Variants in JADE2 observed in about 807,000 individuals in gnomAD.
JADE2 encodes E3 ubiquitin-protein ligase Jade-2.
A neutral mutation model predicts 85.7 loss-of-function variants in JADE2; 13 were observed. That is an observed-to-expected ratio of 0.15 (90% CI 0.10 to 0.24). The LOEUF (loss-of-function observed/expected upper bound fraction) is 0.24. Among genes scored for constraint, JADE2 ranks in the 10% least tolerant of loss-of-function variants. JADE2 has a pLI of 1.00. For synonymous variants in JADE2, 440 were observed against 456.1 expected, an observed-to-expected ratio of 0.96 and a Z score of 0.45; for missense variants, 846 against 1,115.9, an observed-to-expected ratio of 0.76 and a Z score of 3.45.
chr5:134,573,613 A>G, intron 9 of JADE2, 32 bp from the exon 10 acceptor site: 1 of 1,531,350 alleles, frequency 6.5e-7, no homozygotes, highest in Non-Finnish European at 9.1e-7. Flanking sequence ...GTTGCCTGTG[A>G]GTAAGGTGGA....
At chr5:134,572,018 G>T (rs1318131386) in intron 9 of JADE2, among the ~76,000 whole-genome samples, 1 of 152,276 alleles carries the variant, frequency 6.6e-6, no homozygotes, top group African/African-American at 2.4e-5. Flanking sequence ...GAAGAAAGGG[G>T]CCCCAGCGGC....
intron 3 of JADE2, among the ~76,000 whole-genome samples, chr5:134,538,315 G>A (rs974492531): frequency 6.6e-6 from 1 of 152,216 alleles, no homozygotes; most frequent in Non-Finnish European, 1.5e-5. Flanking sequence ...CTCAGACAGG[G>A]TAATGACACA....
At chr5:134,571,978 C>T (rs1226273224) in intron 9 of JADE2, among the ~76,000 whole-genome samples, 2 of 152,264 alleles carry the variant, frequency 1.3e-5, no homozygotes, top group African/African-American at 4.8e-5. Flanking sequence ...CTGGTCCTGT[C>T]AGTAGTTGGT....
rs1561753030 is a variant in JADE2 at position 134,563,074 on chromosome 5, G to GT, written c.852+708dup. Among the ~76,000 whole-genome samples, 3 of 151,688 alleles carry GT rather than the reference G, an allele frequency of 2.0e-5. No homozygotes were observed. In the South Asian group the frequency reaches 6.3e-4, roughly 32 times the overall value. ...CCAGCTGACCTTCAAAGAGAATCGG[G>GT]TGGGAGGCCGAGGTGGGTGAATCAC... On this transcript the variant is annotated intron_variant, in intron 7 of 11. Transcript: ENST00000681547.
intron 4 of JADE2, 130 bp from the exon 5 acceptor site, chr5:134,559,700 G>T: frequency 1.2e-6 from 1 of 804,370 alleles, no homozygotes. Flanking sequence ...GGTGGAAGGA[G>T]GTGGGCCCTG....
chr5:134,538,860 CTTT>C (rs541295980), intron 3 of JADE2, among the ~76,000 whole-genome samples: 3 of 141,592 alleles, frequency 2.1e-5, no homozygotes, highest in Non-Finnish European at 3.1e-5. Context: ...AATCCTGGCT[CTTT>C]TTTTTTTTTT....
At position 134,570,572 on chromosome 5, in the gene JADE2, G is replaced by A. The variant is rs921727082; in HGVS notation, c.1435-3073G>A. On this transcript the variant is annotated intron_variant, in intron 9 of 11. Transcript: ENST00000681547. ...TGCTGCCCACTCTGGCCGGGTTTCCGCCACATCCCAGAGCCTGCCACCTGG... is the reference window on the plus strand; with the variant it reads ...TGCTGCCCACTCTGGCCGGGTTTCCACCACATCCCAGAGCCTGCCACCTGG... Among the ~76,000 whole-genome samples the A allele has an allele frequency of 4.0e-5, 6 of 151,800 alleles. No homozygotes were observed. The East Asian group carries it at 5.8e-4, about 15-fold the overall frequency.
Position 134,557,287 on chromosome 5 carries a change from T to A in JADE2, c.312-2543T>A, listed in dbSNP as rs1461482171. ...TTTTTTATTTTTTTTTTTATTTTTT[T>A]TTTTTTCAGACAGAACCCATGCTCT... On this transcript the variant is annotated intron_variant, in intron 4 of 11. Transcript: ENST00000681547. 4.4e-4 allele frequency among the ~76,000 whole-genome samples: 66 copies of A among 151,550 alleles called. 1 individual carries two copies. Among genetic ancestry groups the A allele is most frequent in the South Asian group, 1.2e-3 (6 of 4,804 alleles).
chr5:134,569,380 G>C (rs756066169), intron 9 of JADE2, among the ~76,000 whole-genome samples: 3 of 152,180 alleles, frequency 2.0e-5, no homozygotes, highest in African/African-American at 7.2e-5. Context: ...GGCTGCTGCC[G>C]GCATGAAATC....
At position 134,562,113 on chromosome 5, in the gene JADE2, G is replaced by A. The variant is rs2304084; in HGVS notation, c.685-87G>A. 11 of 1,325,404 alleles carry A rather than the reference G, an allele frequency of 8.3e-6. No individual in the cohort carries two copies. In the African/African-American group the frequency reaches 1.6e-4, roughly 19 times the overall value. 82.1% of individuals were successfully genotyped at this position (1,325,404 alleles called of 1,614,324 possible). ...AGGCTGTGTAGCAGTGTAGCATGGG[G>A]CTGGCACTGGACCAAATGCAGCTGA... On this transcript the variant is annotated intron_variant, in intron 6 of 11. Transcript: ENST00000681547. The surrounding 1 kb of genome is among the most constrained non-coding windows in gnomAD (Gnocchi z 4.6).
chr5:134,533,622 C>A, intron 1 of JADE2: 3 of 975,308 alleles, frequency 3.1e-6, no homozygotes, highest in Non-Finnish European at 3.7e-6. Flanking sequence ...CCCCCCCACT[C>A]CACCCACCGA....
At chr5:134,527,039 AG>A (rs1271083975) in intron 1 of JADE2, among the ~76,000 whole-genome samples, 5 of 152,130 alleles carry the variant, frequency 3.3e-5, no homozygotes, top group African/African-American at 1.2e-4. Flanking sequence ...GGGTGGTACC[AG>A]GAAGATGCCG....
At chr5:134,560,121 T>A (rs1434009117) in intron 5 of JADE2, 131 bp downstream of exon 5, 4 of 1,009,742 alleles carry the variant, frequency 4.0e-6, no homozygotes, top group Non-Finnish European at 1.5e-6. Flanking sequence ...CATACTGCAT[T>A]ACTGAATGGG....
At chr5:134,542,312 C>G (rs1318088929) in intron 3 of JADE2, among the ~76,000 whole-genome samples, 1 of 152,198 alleles carries the variant, frequency 6.6e-6, no homozygotes, top group Non-Finnish European at 1.5e-5. Context: ...GTGCTTAACC[C>G]TTTGTGGAAC....
Position 134,578,960 on chromosome 5 carries a change from C to T in JADE2, c.2148C>T (p.Ser716=), listed in dbSNP as rs567920796. ...GTCCCATCCTAGCCACCCCTGAAAG[C>T]CCCCCGCCACTGGCCCCTGAGACCC... The part of the protein sequence containing the change: ...GDCPILATPE[S]PPPLAPETPD... Residue 716 remains serine (S), a synonymous_variant, in exon 12 of 12, where the codon AGC becomes AGT. Transcript: ENST00000681547. The surrounding 1 kb of genome is among the most constrained non-coding windows in gnomAD (Gnocchi z 4.4). 2 of 1,612,864 alleles carry T rather than the reference C, an allele frequency of 1.2e-6. No individual in the cohort carries two copies. Among genetic ancestry groups the T allele is most frequent in the Admixed American group, 1.7e-5 (1 of 59,996 alleles).
chr5:134,525,891 C>G lies in JADE2; in HGVS notation c.-121C>G. ...CGCCGCGACCCCGGATGGATGCGCG[C>G]CCCCCGCCCTCCCGCGCCGGCCCCA... On this transcript the variant is annotated 5_prime_UTR_variant, in exon 1 of 12. Transcript: ENST00000681547. The G allele has an allele frequency of 1.0e-6, 1 of 985,592 alleles. No individual in the cohort carries two copies. Among genetic ancestry groups the G allele is most frequent in the Non-Finnish European group, 1.2e-6 (1 of 830,158 alleles). 61.1% of individuals were successfully genotyped at this position (985,592 alleles called of 1,614,324 possible).
At chr5:134,557,136 T>G (rs1195764890) in intron 4 of JADE2, among the ~76,000 whole-genome samples, 1 of 151,972 alleles carries the variant, frequency 6.6e-6, no homozygotes, top group Non-Finnish European at 1.5e-5. Flanking sequence ...TTCCTAAGAG[T>G]TTTGCAAACT....
intron 4 of JADE2, among the ~76,000 whole-genome samples, chr5:134,557,531 T>A (rs765847587): frequency 4.4e-5 from 3 of 67,968 alleles, no homozygotes; most frequent in Admixed American, 1.7e-4. Flanking sequence ...CCCTCCCCCC[T>A]CCCCCGAACC....
At chr5:134,559,350 G>A (rs1763184358) in intron 4 of JADE2, among the ~76,000 whole-genome samples, 1 of 152,220 alleles carries the variant, frequency 6.6e-6, no homozygotes, top group Admixed American at 6.5e-5. Context: ...CAGCCTTGAA[G>A]GGTATGCCGA....
Sources: gnomAD v4.1 joint callset for allele counts (sites outside exome capture counted in the v4.1 genomes callset) on GRCh38, gnomAD v4.1.1 for gene constraint, Gnocchi (gnomAD v3.1) non-coding constraint, MANE v1.5 for transcripts, NCBI Gene and HGNC (gene_info 2026-07-23, HGNC 2026-07-21) for gene names.